NELL1: variants seen among roughly 807,000 people sequenced by gnomAD.
NELL1 encodes neural EGFL like 1.
NELL1 carries 76 observed loss-of-function variants against 107.4 expected under a neutral mutation model. The ratio of observed to expected loss-of-function variants is 0.71; its 90% confidence interval spans 0.59 to 0.86. NELL1 has a LOEUF of 0.86. Among genes scored for constraint, NELL1 ranks in the 40% least tolerant of loss-of-function variants. The pLI is 0.00. For missense variants in NELL1, 1,024 were observed against 1,005.5 expected (o/e 1.02, Z -0.25); for synonymous variants, 353 against 341.2 (o/e 1.03, Z -0.38).
intron 15 of NELL1, among the ~76,000 whole-genome samples, chr11:21,439,149 A>G (rs1330601816): frequency 1.3e-5 from 2 of 151,966 alleles, no homozygotes; most frequent in Non-Finnish European, 2.9e-5. Context: ...GGCTATAGAC[A>G]AGTCAACTAA....
chr11:20,963,172 A>C (rs2134218188), intron 12 of NELL1, among the ~76,000 whole-genome samples: 1 of 152,260 alleles, frequency 6.6e-6, no homozygotes, highest in East Asian at 1.9e-4. Context: ...GAAGAGAGGA[A>C]GGGGCAGGGC....
intron 2 of NELL1, among the ~76,000 whole-genome samples, chr11:20,680,656 G>A (rs768743716): frequency 8.5e-5 from 13 of 152,134 alleles, no homozygotes; most frequent in East Asian, 7.7e-4. Context: ...TGCAAACTCC[G>A]TTGGGTTCAA....
intron 13 of NELL1, among the ~76,000 whole-genome samples, chr11:21,115,182 A>G (rs1452127881): frequency 6.6e-6 from 1 of 152,032 alleles, no homozygotes; most frequent in Non-Finnish European, 1.5e-5. Flanking sequence ...AAAATGTGTT[A>G]TCTTAAGAAC....
intron 12 of NELL1, among the ~76,000 whole-genome samples, chr11:20,971,364 C>A (rs550856730): frequency 6.6e-6 from 1 of 152,098 alleles, no homozygotes; most frequent in African/African-American, 2.4e-5. Flanking sequence ...AAGAAAAAAA[C>A]AGAAGGGAAA....
chr11:21,202,963 A>G (rs1857304407), intron 13 of NELL1, among the ~76,000 whole-genome samples: 1 of 152,140 alleles, frequency 6.6e-6, no homozygotes, highest in South Asian at 2.1e-4. Context: ...CCTGAGTTCT[A>G]GTTTGATTGC....
At chr11:20,865,523 ATGGGC>A (rs993417457) in intron 4 of NELL1, among the ~76,000 whole-genome samples, 67 of 151,980 alleles carry the variant, frequency 4.4e-4, no homozygotes, top group African/African-American at 1.6e-3. Context: ...GCTGACCTGC[ATGGGC>A]TGCATCTGTG....
rs113509341 is a variant in NELL1, at chr11:21,563,187, T to C, written c.1980+2805T>C. 4.7e-3 allele frequency among the ~76,000 whole-genome samples: 715 copies of C among 152,220 alleles called. 4 individuals are homozygous for C. The highest frequency in any genetic ancestry group is 0.017 in the African/African-American group (686 of 41,572). On this transcript the variant is annotated intron_variant, in intron 17 of 19. Coordinates refer to ENST00000357134, the MANE Select transcript of NELL1 (RefSeq NM_006157.5). ...TAAATCTTGGTTACAGCCCAGCGTC[T>C]TTTCATAGATACCCATCTGTGGCTC...
At chr11:21,570,611 G>A (rs1001295987) in intron 17 of NELL1, among the ~76,000 whole-genome samples, 153 bp from the exon 18 acceptor site, 3 of 151,770 alleles carry the variant, frequency 2.0e-5, no homozygotes, top group African/African-American at 7.3e-5. Flanking sequence ...GAAAGAAAGG[G>A]TGTGTTTGTG....
At chr11:20,816,874 C>T (rs955672400) in intron 3 of NELL1, among the ~76,000 whole-genome samples, 1 of 152,064 alleles carries the variant, frequency 6.6e-6, no homozygotes, top group Non-Finnish European at 1.5e-5. Flanking sequence ...TTACCAAAAG[C>T]CTTTGCTACG....
At chr11:21,517,080 C>T (rs187953456) in intron 15 of NELL1, among the ~76,000 whole-genome samples, 1 of 152,232 alleles carries the variant, frequency 6.6e-6, no homozygotes, top group African/African-American at 2.4e-5. Flanking sequence ...TGAGCTACCG[C>T]GCCCAGCCAC....
intron 15 of NELL1, among the ~76,000 whole-genome samples, chr11:21,419,859 C>T (rs1852616798): frequency 6.6e-6 from 1 of 152,054 alleles, no homozygotes; most frequent in African/African-American, 2.4e-5. Flanking sequence ...GTCTTTTATT[C>T]CTGATACTTA....
intron 3 of NELL1, among the ~76,000 whole-genome samples, chr11:20,846,593 A>C (rs895931986): frequency 6.6e-6 from 1 of 152,170 alleles, no homozygotes; most frequent in Non-Finnish European, 1.5e-5. Flanking sequence ...TGGGCAACAA[A>C]CTGGCAGAAA....
intron 14 of NELL1, among the ~76,000 whole-genome samples, chr11:21,345,097 G>A (rs1850656118): frequency 6.6e-6 from 1 of 152,148 alleles, no homozygotes; most frequent in Non-Finnish European, 1.5e-5. Flanking sequence ...TGCTGACTGT[G>A]GGATTTACCT....
intron 2 of NELL1, among the ~76,000 whole-genome samples, chr11:20,724,308 GGCT>G (rs1353722284): frequency 6.6e-6 from 1 of 152,204 alleles, no homozygotes; most frequent in Non-Finnish European, 1.5e-5. Flanking sequence ...CACATGGTCA[GGCT>G]GCAAATTTTC....
chr11:21,392,754 T>G (rs527749283), intron 15 of NELL1, among the ~76,000 whole-genome samples: 3 of 151,874 alleles, frequency 2.0e-5, no homozygotes, highest in Non-Finnish European at 2.9e-5. Context: ...AAAAGGTTAA[T>G]GGAATGAATA....
At chr11:21,559,599 A>C (rs1856803462) in intron 16 of NELL1, among the ~76,000 whole-genome samples, 1 of 152,154 alleles carries the variant, frequency 6.6e-6, no homozygotes, top group Non-Finnish European at 1.5e-5. Flanking sequence ...CCATAAGGAT[A>C]GTAAGACTTT....
chr11:21,563,196 A>G lies in NELL1; in HGVS notation c.1980+2814A>G, dbSNP rs140193136. 1.8e-3 allele frequency among the ~76,000 whole-genome samples: 276 copies of G among 152,192 alleles called. 11 individuals carry two copies. In the East Asian group the frequency reaches 0.04, roughly 22 times the overall value. On this transcript the variant is annotated intron_variant, in intron 17 of 19. Transcript: ENST00000357134. The stretch of plus-strand genomic sequence containing the variant: ...GTTACAGCCCAGCGTCTTTTCATAG[A>G]TACCCATCTGTGGCTCTTCCATTCA...
At chr11:20,755,894 T>C in intron 2 of NELL1, among the ~76,000 whole-genome samples, 1 of 127,924 alleles carries the variant, frequency 7.8e-6, no homozygotes, top group Admixed American at 7.6e-5. Context: ...TTTTTTTTTT[T>C]TTTTTTTTTT....
chr11:20,698,349 C>G (rs955442317), intron 2 of NELL1, among the ~76,000 whole-genome samples: 2 of 152,192 alleles, frequency 1.3e-5, no homozygotes, highest in African/African-American at 4.8e-5. Flanking sequence ...CTTCTACCGT[C>G]TGCACTAAAA....
Sources: gnomAD v4.1 joint callset for allele counts (sites outside exome capture counted in the v4.1 genomes callset) on GRCh38, gnomAD v4.1.1 for gene constraint, MANE v1.5 for transcripts, NCBI Gene and HGNC (gene_info 2026-07-23, HGNC 2026-07-21) for gene names.